Variants in TAFA1 observed in about 807,000 individuals in gnomAD.
TAFA1 encodes TAFA chemokine like family member 1.
In TAFA1, 4 loss-of-function variants were observed where a neutral mutation model predicts 18.5. The observed-to-expected ratio is 0.22, with a 90% CI of 0.11 to 0.49. TAFA1 has a LOEUF of 0.49. Ranked by LOEUF, TAFA1 falls within the 20% of genes least tolerant of loss-of-function variation. The pLI, the probability that TAFA1 is intolerant of heterozygous loss-of-function variation, is 0.98. For missense variants in TAFA1, 147 were observed against 169.0 expected (o/e 0.87, Z 0.72); for synonymous variants, 56 against 55.2 (o/e 1.01, Z -0.06).
At chr3:68,081,080 T>C (rs1364467586) in intron 2 of TAFA1, among the ~76,000 whole-genome samples, 1 of 152,200 alleles carries the variant, frequency 6.6e-6, no homozygotes, top group Non-Finnish European at 1.5e-5. Context: ...CCATCACTGA[T>C]ACCCTTTCTT....
At chr3:68,496,115 C>T (rs2072545016) in intron 3 of TAFA1, among the ~76,000 whole-genome samples, 1 of 151,462 alleles carries the variant, frequency 6.6e-6, no homozygotes, top group Non-Finnish European at 1.5e-5. Flanking sequence ...GTGAGACATG[C>T]AAGGAGGGTA....
chr3:68,114,612 T>C (rs185788501), intron 2 of TAFA1, among the ~76,000 whole-genome samples: 1 of 152,346 alleles, frequency 6.6e-6, no homozygotes, highest in African/African-American at 2.4e-5. Flanking sequence ...CGATTTTACA[T>C]GATGCTAGTA....
chr3:68,141,594 A>T (rs866747338), intron 2 of TAFA1, among the ~76,000 whole-genome samples: 9 of 152,156 alleles, frequency 5.9e-5, no homozygotes, highest in Non-Finnish European at 1.0e-4. Context: ...ATCAGACTAA[A>T]TCCTAATACC....
At chr3:68,332,688 A>G (rs1287714345) in intron 2 of TAFA1, among the ~76,000 whole-genome samples, 1 of 152,244 alleles carries the variant, frequency 6.6e-6, no homozygotes, top group East Asian at 1.9e-4. Context: ...ATCACTCATC[A>G]TGGATATAAA....
At chr3:68,048,260 G>T (rs73837263) in intron 2 of TAFA1, among the ~76,000 whole-genome samples, 4,240 of 152,100 alleles carry the variant, frequency 0.028, 82 homozygotes, top group East Asian at 0.1. Context: ...GAATATTGAA[G>T]ACGGGCTTAT....
intron 2 of TAFA1, among the ~76,000 whole-genome samples, chr3:68,176,990 T>C (rs1575662417): frequency 6.6e-6 from 1 of 152,200 alleles, no homozygotes; most frequent in East Asian, 1.9e-4. Context: ...AGATGTTTTA[T>C]AGACTGGTGA....
At chr3:68,131,954 C>T (rs778920575) in intron 2 of TAFA1, among the ~76,000 whole-genome samples, 2 of 151,820 alleles carry the variant, frequency 1.3e-5, no homozygotes, top group African/African-American at 2.4e-5. Flanking sequence ...TAGGTATACA[C>T]GTGCCATGGT....
intron 3 of TAFA1, among the ~76,000 whole-genome samples, chr3:68,476,783 A>G (rs1384891797): frequency 6.6e-6 from 1 of 152,218 alleles, no homozygotes; most frequent in Non-Finnish European, 1.5e-5. Flanking sequence ...ATTTGTAACC[A>G]GAAAATTTTT....
intron 2 of TAFA1, among the ~76,000 whole-genome samples, chr3:68,142,461 C>A (rs984346516): frequency 1.3e-5 from 2 of 152,228 alleles, no homozygotes; most frequent in Admixed American, 6.5e-5. Context: ...TCCTTCAATT[C>A]TGTTTCCATG....
chr3:68,363,933 G>A (rs2069520579), intron 2 of TAFA1, among the ~76,000 whole-genome samples: 1 of 152,114 alleles, frequency 6.6e-6, no homozygotes, highest in Non-Finnish European at 1.5e-5. Context: ...GGGTCACATT[G>A]TCTCTGTCTT....
chr3:68,141,920 A>G (rs558150808), intron 2 of TAFA1, among the ~76,000 whole-genome samples: 2 of 152,320 alleles, frequency 1.3e-5, no homozygotes, highest in South Asian at 4.1e-4. Context: ...CCAGTTCAGC[A>G]AATTTTATCC....
chr3:68,103,354 G>A (rs1483202496), intron 2 of TAFA1, among the ~76,000 whole-genome samples: 1 of 152,156 alleles, frequency 6.6e-6, no homozygotes, highest in African/African-American at 2.4e-5. Flanking sequence ...GTGGTTAAAG[G>A]TTTCCTTGTT....
At chr3:68,192,325 G>C (rs139236898) in intron 2 of TAFA1, 198 of 152,644 alleles carry the variant, frequency 1.3e-3, no homozygotes, top group South Asian at 4.7e-3. Context: ...TTGAAGACTA[G>C]GTCACTCCAA....
At chr3:68,131,630 A>G (rs2065538757) in intron 2 of TAFA1, among the ~76,000 whole-genome samples, 1 of 152,214 alleles carries the variant, frequency 6.6e-6, no homozygotes, top group Non-Finnish European at 1.5e-5. Flanking sequence ...GCTACTGAGC[A>G]GGCAGAGGCA....
Position 68,129,002 on chromosome 3 carries a change from T to C in TAFA1, c.118+122258T>C, listed in dbSNP as rs376442541. ...AAAATCCCAACTTCTACAAATGATA[T>C]TATACAAAGTGACAAGCTAGTCTAA... On this transcript the variant is annotated intron_variant, in intron 2 of 4. Coordinates refer to ENST00000478136, the MANE Select transcript of TAFA1 (RefSeq NM_213609.4). Among the ~76,000 whole-genome samples the C allele has an allele frequency of 7.2e-5, 11 of 152,192 alleles. 1 individual carries two copies. In the South Asian group the frequency reaches 8.3e-4, roughly 11 times the overall value.
intron 2 of TAFA1, among the ~76,000 whole-genome samples, chr3:68,049,428 T>C (rs9870065): frequency 0.51 from 77,587 of 151,556 alleles, 20,235 homozygotes; most frequent in South Asian, 0.64. Flanking sequence ...AGTGTGTGGG[T>C]TTTTTTAATC....
chr3:68,076,782 C>G (rs1468270064), intron 2 of TAFA1, among the ~76,000 whole-genome samples: 1 of 152,250 alleles, frequency 6.6e-6, no homozygotes, highest in Non-Finnish European at 1.5e-5. Context: ...GTTCATGTGT[C>G]TTTATAGCAG....
rs1282917420 is a variant in TAFA1, at chr3:68,479,239, A to ATATATATATAT, written c.260-59517_260-59516insTATATATATAT. 4.6e-4 allele frequency among the ~76,000 whole-genome samples: 56 copies of ATATATATATAT among 122,960 alleles called. 1 individual carries two copies. Among genetic ancestry groups the ATATATATATAT allele is most frequent in the African/African-American group, 2.1e-3 (53 of 25,400 alleles). 80.7% of individuals were successfully genotyped at this position (122,960 alleles called of 152,430 possible). On this transcript the variant is annotated intron_variant, in intron 3 of 4. Transcript: ENST00000478136. Reference sequence around the variant, plus strand: ...AGTGAGACTCCATCTCAAAAAAAAAAAAATATATATATATATATATATATG... The same window carrying ATATATATATAT: ...AGTGAGACTCCATCTCAAAAAAAAAATATATATATATAAATATATATATATATATATATATG...
chr3:68,002,968 T>C (rs993321932), upstream of TAFA1, among the ~76,000 whole-genome samples: 71 of 152,356 alleles, frequency 4.7e-4, no homozygotes, highest in African/African-American at 1.6e-3. Flanking sequence ...TGTTATTATT[T>C]TTTTATCTTG....
Sources: gnomAD v4.1 joint callset for allele counts (sites outside exome capture counted in the v4.1 genomes callset) on GRCh38, gnomAD v4.1.1 for gene constraint, MANE v1.5 for transcripts, NCBI Gene and HGNC (gene_info 2026-07-23, HGNC 2026-07-21) for gene names.